Variants in PRKG1 observed in about 807,000 individuals in gnomAD.
The protein encoded by PRKG1 is protein kinase cGMP-dependent 1.
Under a neutral mutation model 88.1 loss-of-function variants are expected in PRKG1, and 35 were observed. The ratio of observed to expected loss-of-function variants is 0.40; its 90% CI spans 0.30 to 0.53. The LOEUF (loss-of-function observed/expected upper bound fraction) is 0.53. Ranked by LOEUF, PRKG1 falls within the 20% of genes least tolerant of loss-of-function variation. The pLI, the probability that PRKG1 is intolerant of heterozygous loss-of-function variation, is 0.59. For synonymous variants in PRKG1, 303 were observed against 292.5 expected (o/e 1.04, Z -0.37); for missense variants, 540 against 839.8 (o/e 0.64, Z 4.41).
At chr10:51,260,229 A>T (rs140957586) in intron 2 of PRKG1, among the ~76,000 whole-genome samples, 1 of 152,236 alleles carries the variant, frequency 6.6e-6, no homozygotes, top group Non-Finnish European at 1.5e-5. Flanking sequence ...AATAAAAAAT[A>T]TTCCGTGGAA....
intron 2 of PRKG1, among the ~76,000 whole-genome samples, chr10:51,322,128 A>C (rs1564445871): frequency 6.6e-6 from 1 of 152,150 alleles, no homozygotes; most frequent in Non-Finnish European, 1.5e-5. Flanking sequence ...TCCCATTCCC[A>C]GTTGAGTAAT....
chr10:52,076,273 G>A (rs1355688167), intron 7 of PRKG1, among the ~76,000 whole-genome samples: 1 of 152,192 alleles, frequency 6.6e-6, no homozygotes, highest in African/African-American at 2.4e-5. Context: ...AGGAAAAAAA[G>A]GGGCCGGGCC....
intron 2 of PRKG1, among the ~76,000 whole-genome samples, chr10:51,169,239 A>G (rs1437681580): frequency 1.3e-5 from 2 of 152,188 alleles, no homozygotes; most frequent in African/African-American, 2.4e-5. Flanking sequence ...AAACAAGATA[A>G]TACATTACTG....
intron 3 of PRKG1, among the ~76,000 whole-genome samples, chr10:51,605,468 CAT>C (rs1838739950): frequency 6.6e-6 from 1 of 152,132 alleles, no homozygotes; most frequent in Non-Finnish European, 1.5e-5. Flanking sequence ...GGGAAACAGA[CAT>C]ATGTGCTTGC....
At chr10:51,473,012 C>T (rs1044596220) in intron 3 of PRKG1, among the ~76,000 whole-genome samples, 1 of 151,872 alleles carries the variant, frequency 6.6e-6, no homozygotes, top group Non-Finnish European at 1.5e-5. Flanking sequence ...TAAGTGACTT[C>T]CCACAAATGT....
intron 4 of PRKG1, among the ~76,000 whole-genome samples, chr10:51,837,576 A>G (rs756638985): frequency 2.0e-5 from 3 of 151,906 alleles, no homozygotes; most frequent in African/African-American, 7.3e-5. Flanking sequence ...TTCCCTCTCC[A>G]TTGGGGTAAG....
intron 4 of PRKG1, among the ~76,000 whole-genome samples, chr10:51,896,109 G>A (rs1208983172): frequency 6.6e-6 from 1 of 152,068 alleles, no homozygotes. Context: ...AAAAAGAAAG[G>A]CTGGTACTCC....
intron 1 of PRKG1, among the ~76,000 whole-genome samples, chr10:51,122,652 A>G (rs866322568): frequency 1.3e-5 from 2 of 152,198 alleles, no homozygotes; most frequent in Non-Finnish European, 2.9e-5. Flanking sequence ...TTCTTCTAAG[A>G]AAGAAAAAAG....
chr10:52,054,584 A>G, intron 6 of PRKG1, 23 bp downstream of exon 6: 1 of 1,605,560 alleles, frequency 6.2e-7, no homozygotes. Context: ...GGCACAAGAC[A>G]GTGATGCACT....
At chr10:51,596,916 A>G (rs984380249) in intron 3 of PRKG1, among the ~76,000 whole-genome samples, 1 of 152,126 alleles carries the variant, frequency 6.6e-6, no homozygotes, top group Non-Finnish European at 1.5e-5. Context: ...ACTAGCAAGT[A>G]ATCTCTCTGT....
At chr10:52,291,859 A>G (rs1329494226) in intron 17 of PRKG1, among the ~76,000 whole-genome samples, 10 of 152,184 alleles carry the variant, frequency 6.6e-5, no homozygotes, top group African/African-American at 2.4e-4. Flanking sequence ...ACTAGTTTAC[A>G]GTCCCACCAA....
At chr10:51,292,809 C>A (rs1840618954) in intron 2 of PRKG1, among the ~76,000 whole-genome samples, 1 of 152,088 alleles carries the variant, frequency 6.6e-6, no homozygotes, top group African/African-American at 2.4e-5. Context: ...AGCACCTATA[C>A]TATTCTATAT....
intron 2 of PRKG1, among the ~76,000 whole-genome samples, chr10:51,221,054 A>C (rs1171836583): frequency 6.6e-6 from 1 of 152,046 alleles, no homozygotes; most frequent in Non-Finnish European, 1.5e-5. Flanking sequence ...TAATTAGATA[A>C]AATATATTTT....
At chr10:51,374,093 A>AATATATATATATATATAT (rs58198784) in intron 2 of PRKG1, among the ~76,000 whole-genome samples, 7 of 100,158 alleles carry the variant, frequency 7.0e-5, no homozygotes, top group African/African-American at 1.3e-4. Context: ...AAAAAAAAAA[A>AATATATATATATATATAT]ATATATATAT....
chr10:51,307,654 A>C (rs1175020612), intron 2 of PRKG1, among the ~76,000 whole-genome samples: 2 of 152,198 alleles, frequency 1.3e-5, no homozygotes, highest in Admixed American at 1.3e-4. Context: ...GGCAATAAGC[A>C]TTAGACCAAA....
At chr10:51,223,798 T>A (rs1838615783) in intron 2 of PRKG1, among the ~76,000 whole-genome samples, 1 of 152,200 alleles carries the variant, frequency 6.6e-6, no homozygotes. Context: ...ACTTGACAGA[T>A]AAAAGTATGT....
chr10:51,628,453 A>G (rs1159582950), intron 3 of PRKG1, among the ~76,000 whole-genome samples: 5 of 151,330 alleles, frequency 3.3e-5, no homozygotes, highest in African/African-American at 9.7e-5. Context: ...GTGAGCCACT[A>G]CCCCCAGCCT....
chr10:52,289,014 G>T (rs916488984), intron 16 of PRKG1, 21 bp downstream of exon 16: 1 of 1,586,934 alleles, frequency 6.3e-7, no homozygotes, highest in Non-Finnish European at 8.6e-7. Flanking sequence ...TTTCTGCAGA[G>T]TTCTGAACAC....
chr10:51,074,756 G>A lies in PRKG1; in HGVS notation c.166G>A (p.Ala56Thr). 1 of 1,614,072 alleles carries A rather than the reference G, an allele frequency of 6.2e-7. No homozygotes were observed. The highest frequency in any genetic ancestry group is 8.5e-7 in the Non-Finnish European group (1 of 1,179,976). Reference sequence around the variant, plus strand: ...CAAGTACCGCTCGGTGATCCGACCAGCCACCCAGCAGGCGCAGAAGCAGAG... The same window carrying A: ...CAAGTACCGCTCGGTGATCCGACCAACCACCCAGCAGGCGCAGAAGCAGAG... ...LDKYRSVIRP[A>T]TQQAQKQSAS... is the part of the protein sequence containing the mutation. The change falls in exon 1 of 18, where the codon GCC becomes ACC. Residue 56 changes from alanine (A) to threonine (T), a missense_variant. By Grantham distance (58) the Ala-to-Thr change is moderately conservative (BLOSUM62 0). Around this residue, in one of 5 missense-constraint regions of PRKG1, gnomAD observed 400 missense variants for 562.7 expected, o/e 0.71. Coordinates refer to ENST00000373980, the MANE Select transcript of PRKG1 (RefSeq NM_006258.4).
Sources: gnomAD v4.1 joint callset for allele counts (sites outside exome capture counted in the v4.1 genomes callset) on GRCh38, gnomAD v4.1.1 for gene constraint, gnomAD v4.1.1 regional missense constraint, MANE v1.5 for transcripts, NCBI Gene and HGNC (gene_info 2026-07-23, HGNC 2026-07-21) for gene names.